NUMA1: variants seen among roughly 807,000 people sequenced by gnomAD.
NUMA1 encodes SP-H antigen.
Under a neutral mutation model 237.1 loss-of-function variants are expected in NUMA1, and 62 were observed. The observed-to-expected ratio is 0.26, with a 90% CI of 0.21 to 0.32. The LOEUF (loss-of-function observed/expected upper bound fraction) is 0.32. NUMA1 is among the 10% of genes least tolerant of loss of function. NUMA1 has a pLI of 1.00. For missense variants in NUMA1, 2,533 were observed against 2,666.5 expected, an observed-to-expected ratio of 0.95 and a Z score of 1.10; for synonymous variants, 1,028 against 1,066.1, an observed-to-expected ratio of 0.96 and a Z score of 0.70.
At chr11:72,068,069 C>G (rs1397989145) in intron 2 of NUMA1, 9 of 152,180 alleles carry the variant, frequency 5.9e-5, no homozygotes, top group Admixed American at 4.6e-4. Flanking sequence ...TAAAAAAAGA[C>G]TGGAGCTACC....
chr11:72,044,006 A>G (rs527463237), intron 2 of NUMA1, among the ~76,000 whole-genome samples: 1 of 152,276 alleles, frequency 6.6e-6, no homozygotes, highest in East Asian at 1.9e-4. Flanking sequence ...TACTGAGTGC[A>G]TACTATGTAC....
In NUMA1 at chr11:72,013,955, C is replaced by T. The variant is rs372126200; in HGVS notation, c.3548G>A (p.Ser1183Asn). Residue 1183 changes from serine to asparagine, a missense_variant, in exon 15 of 27, where the codon AGT (serine) becomes AAT (asparagine). Physicochemically the swap from Ser to Asn is conservative, Grantham distance 46. This residue lies in a region of NUMA1 where 1,414 missense variants were observed against 1,508.1 expected (regional missense o/e 0.94). Transcript: ENST00000393695. This position sits in a 1 kb window ranked among gnomAD's most constrained non-coding sequence, Gnocchi z 6.8. ...CTCCCGTTGGGCCGAGGCTAAGGCA[C>T]TCTGACTGTGCCCTAGCTCCTGGGC... ...EKAQELGHSQ[S>N]ALASAQRELA... 6.2e-7 allele frequency: 1 copy of T among 1,613,808 alleles called. No individual in the cohort carries two copies. Among genetic ancestry groups the T allele is most frequent in the East Asian group, 2.2e-5 (1 of 44,874 alleles).
chr11:72,038,048 T>G (rs1267285600), intron 2 of NUMA1, among the ~76,000 whole-genome samples: 1 of 151,750 alleles, frequency 6.6e-6, no homozygotes, highest in East Asian at 1.9e-4. Context: ...GGGGTTTCTT[T>G]AAAAAAAAGG....
intron 17 of NUMA1, among the ~76,000 whole-genome samples, chr11:72,009,837 A>C (rs1956025678): frequency 6.6e-6 from 1 of 152,216 alleles, no homozygotes; most frequent in Non-Finnish European, 1.5e-5. Flanking sequence ...GAGGAAACTG[A>C]GTTCAGAGAT....
Position 72,078,801 on chromosome 11 carries a change from T to A in NUMA1, c.-103+1657A>T, listed in dbSNP as rs969334026. Reference sequence around the variant, plus strand: ...GAGGGACTGAGGAAACATAAACCCATCTGTGCTGACAGAAAGCTACCTTAC... The same window carrying A: ...GAGGGACTGAGGAAACATAAACCCAACTGTGCTGACAGAAAGCTACCTTAC... On this transcript the variant is annotated intron_variant, in intron 1 of 26. Coordinates refer to ENST00000393695, the MANE Select transcript of NUMA1 (RefSeq NM_006185.4). Among the ~76,000 whole-genome samples the A allele has an allele frequency of 2.6e-5, 4 of 152,302 alleles. No homozygotes were observed. In the South Asian group the frequency reaches 6.2e-4, roughly 24 times the overall value.
chr11:72,060,446 C>T (rs1942881005), intron 2 of NUMA1, among the ~76,000 whole-genome samples: 5 of 152,046 alleles, frequency 3.3e-5, no homozygotes, highest in Admixed American at 3.3e-4. Context: ...GAGTTCGAGA[C>T]CAACCTGGGC....
intron 2 of NUMA1, chr11:72,066,750 G>A (rs1253389847): frequency 6.6e-6 from 1 of 152,192 alleles, no homozygotes; most frequent in Non-Finnish European, 1.5e-5. Context: ...CTCCCTGGGT[G>A]GATGCTAGCT....
intron 5 of NUMA1, 32 bp downstream of exon 5, chr11:72,024,242 C>T (rs1346755807): frequency 3.1e-6 from 5 of 1,605,092 alleles, no homozygotes; most frequent in Non-Finnish European, 3.4e-6. Flanking sequence ...GAGGAAGCAG[C>T]TTCTTCATAG....
Position 72,012,965 on chromosome 11 carries a change from T to G in NUMA1, c.4538A>C (p.Glu1513Ala), listed in dbSNP as rs759026973. 19 of 1,614,022 alleles carry G rather than the reference T, an allele frequency of 1.2e-5. No homozygotes were observed. Among genetic ancestry groups the G allele is most frequent in the Non-Finnish European group, 1.6e-5 (19 of 1,180,026 alleles). The change falls in exon 15 of 27, where the codon GAG becomes GCG. Residue 1513 changes from glutamate (E) to alanine (A), a missense_variant. By Grantham distance (107) the Glu-to-Ala change is moderately radical. This residue lies in a region of NUMA1 where 324 missense variants were observed against 407.6 expected (regional missense o/e 0.79). Coordinates refer to ENST00000393695, the MANE Select transcript of NUMA1 (RefSeq NM_006185.4). The part of the protein sequence containing the change: ...RELEVMTAKY[E>A]GAKVKVLEER... Reference sequence around the variant, plus strand: ...CTCCAGGACCTTGACCTTGGCACCCTCATACTTGGCAGTCATCACCTCCAG... The same window carrying G: ...CTCCAGGACCTTGACCTTGGCACCCGCATACTTGGCAGTCATCACCTCCAG...
At chr11:72,043,354 GTTC>G (rs1358008784) in intron 2 of NUMA1, among the ~76,000 whole-genome samples, 11 of 122,878 alleles carry the variant, frequency 9.0e-5, no homozygotes, top group Non-Finnish European at 1.3e-4. Context: ...GCCAGGCGGA[GTTC>G]TTTTTTTTTT....
chr11:72,011,206 G>T (rs969219696), intron 16 of NUMA1, among the ~76,000 whole-genome samples: 6 of 152,158 alleles, frequency 3.9e-5, no homozygotes, highest in Non-Finnish European at 7.3e-5. Context: ...CTCTGCAGCC[G>T]CAACCTTCCC....
rs1325108071 is a variant in NUMA1, at chr11:72,018,321, G to A, written c.861-21C>T. ...TAAGGCTGCGAGGGAGGGAAGCAGTGAGAAGAGAGTATGGGTTCCTGGCTG... is the reference window on the plus strand; with the variant it reads ...TAAGGCTGCGAGGGAGGGAAGCAGTAAGAAGAGAGTATGGGTTCCTGGCTG... On this transcript the variant is annotated intron_variant, in intron 11 of 26. Transcript: ENST00000393695. The A allele has an allele frequency of 3.1e-6, 5 of 1,610,254 alleles. No individual in the cohort carries two copies. In the Admixed American group the frequency reaches 6.7e-5, roughly 21 times the overall value.
chr11:72,046,903 T>C (rs1450556481), intron 2 of NUMA1, among the ~76,000 whole-genome samples: 1 of 151,960 alleles, frequency 6.6e-6, no homozygotes, highest in Non-Finnish European at 1.5e-5. Context: ...GAGGTTGCAG[T>C]GAGCTGAGAT....
At chr11:72,018,034 G>T in intron 12 of NUMA1, 149 bp downstream of exon 12, 2 of 932,348 alleles carry the variant, frequency 2.1e-6, no homozygotes, top group Non-Finnish European at 3.3e-6. Context: ...CCAATTATGG[G>T]ATAAGGAAAG....
chr11:72,026,669 AT>A (rs1252377829), intron 4 of NUMA1, among the ~76,000 whole-genome samples: 1 of 151,956 alleles, frequency 6.6e-6, no homozygotes, highest in African/African-American at 2.4e-5. Context: ...TTAAAGAATT[AT>A]TTTTCTCAGG....
At chr11:72,050,153 A>G (rs1436797093) in intron 2 of NUMA1, among the ~76,000 whole-genome samples, 3 of 152,230 alleles carry the variant, frequency 2.0e-5, no homozygotes, top group Non-Finnish European at 2.9e-5. Flanking sequence ...TCGAGGAACT[A>G]CAAGGCAGCT....
intron 2 of NUMA1, among the ~76,000 whole-genome samples, chr11:72,058,247 C>T (rs1360644161): frequency 1.3e-5 from 2 of 152,118 alleles, no homozygotes; most frequent in East Asian, 3.9e-4. Flanking sequence ...AGGCCTCCTA[C>T]AAGATGAGAA....
chr11:72,039,994 T>G (rs897214104), intron 2 of NUMA1, among the ~76,000 whole-genome samples: 1 of 152,066 alleles, frequency 6.6e-6, no homozygotes, highest in East Asian at 1.9e-4. Flanking sequence ...GGAAATACTT[T>G]GCTGGTACAT....
intron 1 of NUMA1, among the ~76,000 whole-genome samples, chr11:72,077,410 A>G (rs527930358): frequency 3.9e-5 from 6 of 152,228 alleles, no homozygotes; most frequent in Non-Finnish European, 8.8e-5. Context: ...TTAATTTGCA[A>G]GCATAGTTCT....
Sources: gnomAD v4.1 joint callset for allele counts (sites outside exome capture counted in the v4.1 genomes callset) on GRCh38, gnomAD v4.1.1 for gene constraint, gnomAD v4.1.1 regional missense constraint, Gnocchi (gnomAD v3.1) non-coding constraint, MANE v1.5 for transcripts, NCBI Gene and HGNC (gene_info 2026-07-23, HGNC 2026-07-21) for gene names.